The following HERC4 variants were observed in gnomAD, a reference collection of about 807,000 sequenced individuals.
HERC4 encodes the protein probable E3 ubiquitin-protein ligase HERC4.
Under a neutral mutation model 124.3 loss-of-function variants are expected in HERC4, and 28 were observed. That is an observed-to-expected ratio of 0.23 (90% confidence interval 0.17 to 0.31). The LOEUF (loss-of-function observed/expected upper bound fraction) is 0.31, where lower values mean the gene tolerates loss of function less well. Ranked by LOEUF, HERC4 falls within the 10% of genes least tolerant of loss-of-function variation. The probability of loss-of-function intolerance (pLI) is 1.00; values close to 1 mark genes in which losing one functional copy is unlikely to be tolerated. For synonymous variants in HERC4, 407 were observed against 421.5 expected, an observed-to-expected ratio of 0.97 and a Z score of 0.42; for missense variants, 713 against 1,229.3, an observed-to-expected ratio of 0.58 and a Z score of 6.28.
In HERC4 at chr10:67,939,576, C is replaced by T. The variant is rs1297431646; in HGVS notation, c.2571+12G>A. 6.4e-7 allele frequency: 1 copy of T among 1,572,078 alleles called. No homozygotes were observed. The highest frequency in any genetic ancestry group is 8.7e-7 in the Non-Finnish European group (1 of 1,147,350). On this transcript the variant is annotated intron_variant, in intron 21 of 24. Coordinates refer to ENST00000373700, the MANE Select transcript of HERC4 (RefSeq NM_015601.4). ...ATAAATAATCAGGCTAACCTATGTC[C>T]TTCCATCTTACCGTAAAATTAAGAC...
intron 3 of HERC4, among the ~76,000 whole-genome samples, chr10:68,061,879 TAAAAAAAAAAAAA>T (rs71470503): frequency 2.1e-3 from 115 of 54,884 alleles, no homozygotes; most frequent in African/African-American, 8.6e-3. Context: ...AGACTCCATT[TAAAAAAAAAAAAA>T]AAAAAAAAAA....
chr10:67,959,014 T>G, intron 16 of HERC4: 1 of 883,806 alleles, frequency 1.1e-6, no homozygotes. Context: ...TTTACATTTT[T>G]TAACCACACC....
chr10:67,984,011 T>C (rs928289285), intron 15 of HERC4, among the ~76,000 whole-genome samples: 2 of 151,692 alleles, frequency 1.3e-5, no homozygotes, highest in African/African-American at 4.8e-5. Flanking sequence ...CACAATGAAG[T>C]ACTATTCTGG....
intron 16 of HERC4, among the ~76,000 whole-genome samples, chr10:67,961,921 A>G (rs1434617292): frequency 1.3e-5 from 2 of 151,850 alleles, no homozygotes; most frequent in East Asian, 1.9e-4. Context: ...CTGGCAGTGT[A>G]AACAAGATGA....
chr10:67,967,594 T>C (rs781425392), intron 15 of HERC4, among the ~76,000 whole-genome samples: 1 of 152,086 alleles, frequency 6.6e-6, no homozygotes, highest in Non-Finnish European at 1.5e-5. Flanking sequence ...ATTACAAAGA[T>C]AAAAACAAAT....
intron 9 of HERC4, chr10:68,010,738 T>C (rs1290159979): frequency 6.7e-7 from 1 of 1,490,034 alleles, no homozygotes; most frequent in South Asian, 1.2e-5. Context: ...AGATGGTCGT[T>C]TGGCTGAACA....
intron 3 of HERC4, among the ~76,000 whole-genome samples, chr10:68,058,477 T>C (rs891915219): frequency 2.6e-5 from 4 of 152,222 alleles, no homozygotes; most frequent in African/African-American, 9.6e-5. Flanking sequence ...AATACCACAT[T>C]ACCGTAAGGC....
At chr10:68,000,525 G>A (rs1295824099) in intron 9 of HERC4, among the ~76,000 whole-genome samples, 3 of 150,996 alleles carry the variant, frequency 2.0e-5, no homozygotes, top group Admixed American at 1.3e-4. Flanking sequence ...GCTGCAGTGA[G>A]CCAAGGTCAT....
chr10:68,073,548 T>C (rs934871933), intron 2 of HERC4, 109 bp downstream of exon 2: 3 of 160,646 alleles, frequency 1.9e-5, no homozygotes, highest in African/African-American at 7.2e-5. Context: ...GAACAAGAAA[T>C]AAGACATCTT....
At chr10:67,927,750 C>CT (rs2031299152) in intron 23 of HERC4, among the ~76,000 whole-genome samples, 1 of 151,924 alleles carries the variant, frequency 6.6e-6, no homozygotes, top group South Asian at 2.1e-4. Context: ...TTAAGATGTC[C>CT]TGTCTTAACT....
intron 23 of HERC4, among the ~76,000 whole-genome samples, chr10:67,926,123 G>A (rs924953425): frequency 2.6e-5 from 4 of 152,098 alleles, no homozygotes; most frequent in Non-Finnish European, 1.5e-5. Context: ...GGCCGGGCGC[G>A]GTGGCTCACG....
In HERC4 at chr10:67,992,664, C is replaced by A; in HGVS notation, c.1088G>T (p.Cys363Phe). 6.5e-7 allele frequency: 1 copy of A among 1,526,834 alleles called. No individual in the cohort carries two copies. Among genetic ancestry groups the A allele is most frequent in the South Asian group, 1.2e-5 (1 of 85,636 alleles). 94.6% of individuals were successfully genotyped at this position (1,526,834 alleles called of 1,614,324 possible). The change falls in exon 10 of 25, where the codon TGT becomes TTT. Residue 363 changes from cysteine to phenylalanine, a missense_variant. Physicochemically the swap from Cys to Phe is radical, Grantham distance 205. Transcript: ENST00000373700. ...TCCCCCTGAGAAAATTCTTTTTACACAGAAATATTCTTCAGAATCTGTAAT... is the reference window on the plus strand; with the variant it reads ...TCCCCCTGAGAAAATTCTTTTTACAAAGAAATATTCTTCAGAATCTGTAAT... Reference protein sequence around the residue: ...LPDIDSEEYFCVKRIFSGGDQ... With the variant: ...LPDIDSEEYFFVKRIFSGGDQ...
intron 3 of HERC4, among the ~76,000 whole-genome samples, chr10:68,049,162 C>G (rs117594746): frequency 6.6e-6 from 1 of 150,578 alleles, no homozygotes; most frequent in African/African-American, 2.5e-5. Flanking sequence ...TCCATCTACA[C>G]GCTGAAATAT....
chr10:68,039,025 C>T lies in HERC4; in HGVS notation c.387-856G>A, dbSNP rs116604402. On this transcript the variant is annotated intron_variant, in intron 4 of 24. Transcript: ENST00000373700. ...AGAAAAAAAGGGGGGATGCCAGATG[C>T]GGATTACAGGTGGGTTACTGTAATC... Among the ~76,000 whole-genome samples, 503 of 151,740 alleles carry T rather than the reference C, an allele frequency of 3.3e-3. 4 individuals are homozygous for T. The highest frequency in any genetic ancestry group is 0.011 in the African/African-American group (474 of 41,408).
At chr10:67,951,564 A>T (rs893622612) in intron 19 of HERC4, among the ~76,000 whole-genome samples, 2 of 151,936 alleles carry the variant, frequency 1.3e-5, no homozygotes, top group Admixed American at 1.3e-4. Flanking sequence ...TAAACTCCAA[A>T]TTTTTTCCCC....
intron 3 of HERC4, among the ~76,000 whole-genome samples, chr10:68,071,245 C>G (rs1189014569): frequency 6.6e-6 from 1 of 152,186 alleles, no homozygotes; most frequent in Non-Finnish European, 1.5e-5. Flanking sequence ...CACAAAGAAG[C>G]CTATTCTAGC....
chr10:68,016,344 T>C (rs2038264005), intron 8 of HERC4, among the ~76,000 whole-genome samples: 1 of 152,092 alleles, frequency 6.6e-6, no homozygotes, highest in Non-Finnish European at 1.5e-5. Context: ...ATAATACATA[T>C]TTCTTTTTTA....
At chr10:68,035,300 G>A (rs1426091018) in intron 5 of HERC4, among the ~76,000 whole-genome samples, 9 of 151,918 alleles carry the variant, frequency 5.9e-5, no homozygotes, top group African/African-American at 9.7e-5. Context: ...TTACAGGCGC[G>A]TGCCACCATG....
intron 7 of HERC4, among the ~76,000 whole-genome samples, chr10:68,029,136 C>T (rs183895585): frequency 4.6e-5 from 7 of 152,164 alleles, no homozygotes; most frequent in African/African-American, 1.4e-4. Flanking sequence ...TATGACTGTG[C>T]CACTGCACTC....
Sources: allele counts gnomAD v4.1 joint callset (sites outside exome capture counted in the v4.1 genomes callset), GRCh38; gene constraint gnomAD v4.1.1; transcripts MANE v1.5; gene names NCBI Gene and HGNC (gene_info 2026-07-23, HGNC 2026-07-21).